The following ENTPD5 variants were observed in gnomAD, a reference collection of about 807,000 sequenced individuals.
ENTPD5 encodes the protein nucleoside diphosphate phosphatase ENTPD5.
ENTPD5 carries 49 observed loss-of-function variants against 60.2 expected under a neutral mutation model. That is an observed-to-expected ratio of 0.81 (90% confidence interval 0.65 to 1.03). The LOEUF (loss-of-function observed/expected upper bound fraction) is 1.03. Among genes scored for constraint, ENTPD5 ranks in the 50% least tolerant of loss-of-function variants. The pLI is 0.00. For missense variants in ENTPD5, 480 were observed against 507.6 expected, an observed-to-expected ratio of 0.95 and a Z score of 0.52; for synonymous variants, 187 against 185.4, an observed-to-expected ratio of 1.01 and a Z score of -0.07.
chr14:73,960,650 C>T (rs1439164651), downstream of ENTPD5: 1 of 1,004,300 alleles, frequency 1.0e-6, no homozygotes, highest in African/African-American at 1.7e-5. Flanking sequence ...AGAACAGTCT[C>T]CGCTTTCAGG....
chr14:74,010,447 G>A (rs760418403), intron 3 of ENTPD5, among the ~76,000 whole-genome samples: 12 of 152,064 alleles, frequency 7.9e-5, no homozygotes, highest in Middle Eastern at 3.4e-3. Flanking sequence ...CCAACTACTC[G>A]GGAGGCTGAG....
chr14:73,973,377 C>T (rs537807689), intron 12 of ENTPD5, among the ~76,000 whole-genome samples: 47 of 152,312 alleles, frequency 3.1e-4, no homozygotes, highest in African/African-American at 1.1e-3. Flanking sequence ...CAGGTATATA[C>T]CTTTTATAAG....
chr14:73,971,344 G>C (rs1594846435), intron 14 of ENTPD5, among the ~76,000 whole-genome samples: 1 of 151,964 alleles, frequency 6.6e-6, no homozygotes, highest in Non-Finnish European at 1.5e-5. Context: ...TTTTAGTAGA[G>C]ATGGGGTTTC....
intron 3 of ENTPD5, among the ~76,000 whole-genome samples, chr14:74,009,384 T>G (rs1353625382): frequency 1.3e-5 from 2 of 152,246 alleles, no homozygotes; most frequent in Non-Finnish European, 2.9e-5. Context: ...ATTTTAACTG[T>G]GGGAAGAGAA....
chr14:74,003,619 G>A (rs993266301), intron 3 of ENTPD5: 4 of 516,024 alleles, frequency 7.8e-6, no homozygotes, highest in Admixed American at 2.4e-5. Flanking sequence ...CCCTCTGATC[G>A]CTGATCACCT....
At chr14:73,984,439 T>C (rs550229258) in intron 5 of ENTPD5, among the ~76,000 whole-genome samples, 2 of 152,340 alleles carry the variant, frequency 1.3e-5, no homozygotes, top group South Asian at 4.1e-4. Flanking sequence ...GCCATACTTT[T>C]GATGATCTCC....
At chr14:74,012,371 T>C (rs2058873128) in intron 2 of ENTPD5, among the ~76,000 whole-genome samples, 2 of 152,186 alleles carry the variant, frequency 1.3e-5, no homozygotes, top group African/African-American at 2.4e-5. Flanking sequence ...CCTCCTAAAG[T>C]GCTGGGATTA....
chr14:73,997,062 G>A (rs2058361979), intron 3 of ENTPD5, among the ~76,000 whole-genome samples: 1 of 152,114 alleles, frequency 6.6e-6, no homozygotes, highest in Non-Finnish European at 1.5e-5. Context: ...AAGAAACTTG[G>A]CTTGGAAGGG....
intron 3 of ENTPD5, among the ~76,000 whole-genome samples, chr14:74,001,840 G>A (rs2058521941): frequency 6.6e-6 from 1 of 152,022 alleles, no homozygotes; most frequent in Non-Finnish European, 1.5e-5. Context: ...GCGACAGAGT[G>A]AGACCCTGTC....
chr14:73,966,909 T>C lies in ENTPD5; in HGVS notation c.*19A>G. 1 of 1,605,228 alleles carries C rather than the reference T, an allele frequency of 6.2e-7. No homozygotes were observed. Among genetic ancestry groups the C allele is most frequent in the Non-Finnish European group, 8.5e-7 (1 of 1,172,154 alleles). ...AAAAAGGTGTTGGCAAATGCAGGTC[T>C]CCAAGGAAGTACGTGGCCTCAATGG... is the stretch of plus-strand genomic sequence containing the variant. On this transcript the variant is annotated 3_prime_UTR_variant, in exon 16 of 16. Transcript: ENST00000334696.
chr14:73,958,516 A>G (rs193015414), downstream of ENTPD5: 43 of 1,350,208 alleles, frequency 3.2e-5, no homozygotes, highest in Admixed American at 1.1e-3. Context: ...GCCTCACAGG[A>G]CAGGCACCAG....
chr14:74,016,455 G>A (rs1315095124), intron 1 of ENTPD5, among the ~76,000 whole-genome samples: 4 of 152,110 alleles, frequency 2.6e-5, no homozygotes, highest in African/African-American at 9.7e-5. Context: ...TAGGCAACAT[G>A]GCAAAACCCT....
In ENTPD5 at chr14:73,964,419, C is replaced by T. The variant is rs1236491367; in HGVS notation, c.*2509G>A. On this transcript the variant is annotated 3_prime_UTR_variant, in exon 16 of 16. Transcript: ENST00000334696. ...AAGATGGACAAATTGGTTACTTCTC[C>T]AGAAGGTCTAATCAAGGTTAACAAA... The T allele has an allele frequency of 6.6e-6, 1 of 152,134 alleles. No homozygotes were observed. The highest frequency in any genetic ancestry group is 1.5e-5 in the Non-Finnish European group (1 of 68,034). 9.4% of individuals were successfully genotyped at this position (152,134 alleles called of 1,614,324 possible). A position where few individuals can be genotyped will look rare whatever the true frequency, so the allele number is the denominator to read the frequency against.
At chr14:74,012,522 C>T (rs773225874) in intron 2 of ENTPD5, among the ~76,000 whole-genome samples, 2 of 152,166 alleles carry the variant, frequency 1.3e-5, no homozygotes, top group Non-Finnish European at 2.9e-5. Context: ...CTCTGCTTCT[C>T]AAAATTTTCA....
At chr14:73,968,649 C>T (rs2057087886) in intron 15 of ENTPD5, among the ~76,000 whole-genome samples, 1 of 152,112 alleles carries the variant, frequency 6.6e-6, no homozygotes, top group Non-Finnish European at 1.5e-5. Context: ...TGGTCTCGAA[C>T]TCCTGACCTC....
At chr14:74,007,878 TGG>T (rs1421649209) in intron 3 of ENTPD5, 1 of 148,178 alleles carries the variant, frequency 6.7e-6, no homozygotes, top group Non-Finnish European at 1.5e-5. Context: ...TCACTGAGGC[TGG>T]AGTGCACTGG....
Position 73,974,900 on chromosome 14 carries a change from C to A in ENTPD5, c.784+24G>T, listed in dbSNP as rs372944383. The A allele has an allele frequency of 2.6e-5, 41 of 1,602,650 alleles. 1 individual carries two copies. Among genetic ancestry groups the A allele is most frequent in the South Asian group, 1.7e-4 (15 of 90,658 alleles). ...ATCTGTGTCACCCTCACCATCCCCCCCCAGCACAGGTACCCAGACAAACCT... is the reference window on the plus strand; with the variant it reads ...ATCTGTGTCACCCTCACCATCCCCCACCAGCACAGGTACCCAGACAAACCT... On this transcript the variant is annotated intron_variant, in intron 11 of 15. Coordinates refer to ENST00000334696, the MANE Select transcript of ENTPD5 (RefSeq NM_001249.5).
At chr14:74,011,335 C>T (rs532110399) in intron 2 of ENTPD5, among the ~76,000 whole-genome samples, 185 bp from the exon 3 acceptor site, 1 of 152,204 alleles carries the variant, frequency 6.6e-6, no homozygotes, top group Admixed American at 6.6e-5. Flanking sequence ...CTTTCTGCTC[C>T]CCTACACTTT....
chr14:73,959,052 G>A (rs2056578275), downstream of ENTPD5: 1 of 1,614,210 alleles, frequency 6.2e-7, no homozygotes, highest in Non-Finnish European at 8.5e-7. Context: ...CCAGTCTGCT[G>A]TTGTGGCTAC....
Sources: gnomAD v4.1 joint callset for allele counts (sites outside exome capture counted in the v4.1 genomes callset) on GRCh38, gnomAD v4.1.1 for gene constraint, MANE v1.5 for transcripts, NCBI Gene and HGNC (gene_info 2026-07-23, HGNC 2026-07-21) for gene names.